SAE1: variants seen among roughly 807,000 people sequenced by gnomAD.
SAE1 encodes SUMO1 activating enzyme subunit 1, also known as SUMO-activating enzyme subunit 1.
SAE1 carries 11 observed loss-of-function variants against 40.6 expected under a neutral mutation model. That is an observed-to-expected ratio of 0.27 (90% CI 0.17 to 0.45). The LOEUF is 0.45. Among genes scored for constraint, SAE1 ranks in the 20% least tolerant of loss-of-function variants. The pLI is 1.00. For synonymous variants in SAE1, 155 were observed against 154.3 expected (o/e 1.00, Z -0.03); for missense variants, 373 against 427.3 (o/e 0.87, Z 1.12).
At chr19:47,190,173 TG>T (rs1197942358) in intron 6 of SAE1, among the ~76,000 whole-genome samples, 1 of 152,188 alleles carries the variant, frequency 6.6e-6, no homozygotes, top group Non-Finnish European at 1.5e-5. Flanking sequence ...AAGGTGCAGA[TG>T]AAGTTAATCA....
chr19:47,131,697 C>CTTTTT (rs554165710), intron 1 of SAE1, among the ~76,000 whole-genome samples: 20 of 84,142 alleles, frequency 2.4e-4, no homozygotes, highest in African/African-American at 4.7e-4. Context: ...TTAGGGAATT[C>CTTTTT]TTTTTTTTTT....
At chr19:47,150,694 T>C (rs1338807838) in intron 3 of SAE1, among the ~76,000 whole-genome samples, 2 of 152,250 alleles carry the variant, frequency 1.3e-5, no homozygotes, top group Non-Finnish European at 2.9e-5. Context: ...CACATAACTT[T>C]AATCCATGTT....
chr19:47,185,245 G>A (rs954802314), intron 6 of SAE1, among the ~76,000 whole-genome samples: 3 of 152,014 alleles, frequency 2.0e-5, no homozygotes. Context: ...TTTATATGTG[G>A]TACAGACTGA....
intron 6 of SAE1, among the ~76,000 whole-genome samples, chr19:47,181,699 G>A (rs1441165370): frequency 2.0e-5 from 3 of 149,790 alleles, no homozygotes; most frequent in Non-Finnish European, 3.0e-5. Flanking sequence ...GGCTGGTCTC[G>A]AACTCCTAGC....
chr19:47,156,050 T>G (rs1261080302), intron 5 of SAE1, among the ~76,000 whole-genome samples: 1 of 151,970 alleles, frequency 6.6e-6, no homozygotes, highest in Non-Finnish European at 1.5e-5. Flanking sequence ...GAAAACTTTT[T>G]TTTTTAAAGC....
intron 6 of SAE1, among the ~76,000 whole-genome samples, chr19:47,180,599 A>G (rs1487105971): frequency 6.6e-6 from 1 of 152,122 alleles, no homozygotes; most frequent in Non-Finnish European, 1.5e-5. Context: ...AGGCAAATTG[A>G]TCACTTGCAC....
intron 5 of SAE1, among the ~76,000 whole-genome samples, chr19:47,160,256 C>CT (rs1415938894): frequency 1.0e-4 from 13 of 127,888 alleles, no homozygotes; most frequent in Non-Finnish European, 1.3e-4. Flanking sequence ...GAGTCTCACT[C>CT]TATCACCCAA....
At chr19:47,196,088 C>T (rs1350349203) in intron 6 of SAE1, among the ~76,000 whole-genome samples, 1 of 150,390 alleles carries the variant, frequency 6.6e-6, no homozygotes, top group African/African-American at 2.4e-5. Context: ...CTCTGTTGCC[C>T]AGGCTGGAGT....
At chr19:47,162,350 T>C (rs2058363894) in intron 5 of SAE1, among the ~76,000 whole-genome samples, 1 of 152,212 alleles carries the variant, frequency 6.6e-6, no homozygotes, top group African/African-American at 2.4e-5. Flanking sequence ...TAATTTCTCT[T>C]GGGTATATAC....
At chr19:47,169,131 ATTTTTG>A (rs990812422) in intron 5 of SAE1, among the ~76,000 whole-genome samples, 34 of 152,226 alleles carry the variant, frequency 2.2e-4, no homozygotes, top group Admixed American at 9.2e-4. Context: ...GAAACATTTA[ATTTTTG>A]TTTTTGTTTA....
chr19:47,134,925 G>A (rs1753732410), intron 1 of SAE1, among the ~76,000 whole-genome samples: 1 of 152,140 alleles, frequency 6.6e-6, no homozygotes, highest in South Asian at 2.1e-4. Context: ...GGGGGTTGCA[G>A]GAGGGAGGGA....
At chr19:47,158,033 C>T (rs1329171823) in intron 5 of SAE1, among the ~76,000 whole-genome samples, 1 of 151,636 alleles carries the variant, frequency 6.6e-6, no homozygotes, top group Non-Finnish European at 1.5e-5. Context: ...TCAGATGCTG[C>T]CCTTTTGCCT....
At chr19:47,154,023 T>A (rs1173153575) in intron 4 of SAE1, among the ~76,000 whole-genome samples, 2 of 151,912 alleles carry the variant, frequency 1.3e-5, no homozygotes, top group African/African-American at 4.8e-5. Context: ...ACTCCGGACC[T>A]CAGGTGATCC....
At chr19:47,172,447 C>G (rs1356380631) in intron 6 of SAE1, among the ~76,000 whole-genome samples, 5 of 152,078 alleles carry the variant, frequency 3.3e-5, no homozygotes, top group Admixed American at 2.6e-4. Context: ...ATAGAAAGCC[C>G]TCAGGAAACA....
rs746630734 is a variant in SAE1 at position 47,150,197 on chromosome 19, C to T, written c.211-5C>T. 3.8e-6 allele frequency: 6 copies of T among 1,565,034 alleles called. No individual in the cohort carries two copies. The South Asian group carries it at 6.0e-5, about 16-fold the overall frequency. On this transcript the variant is annotated splice_region_variant and splice_polypyrimidine_tract_variant and intron_variant, in intron 2 of 8. Coordinates refer to ENST00000270225, the MANE Select transcript of SAE1 (RefSeq NM_005500.3). Reference sequence around the variant, plus strand: ...GACTTAAAAAAATATGTGTATTATTCCTAGGTAACTCCAGAAGATCCCGGA... The same window carrying T: ...GACTTAAAAAAATATGTGTATTATTTCTAGGTAACTCCAGAAGATCCCGGA...
chr19:47,186,525 T>G (rs1221212533), intron 6 of SAE1, among the ~76,000 whole-genome samples: 1 of 152,158 alleles, frequency 6.6e-6, no homozygotes, highest in Non-Finnish European at 1.5e-5. Context: ...CTGCTGTGGG[T>G]GAGGGTGCAG....
chr19:47,196,284 CTCGGCCTCCCAAA>C (rs1185215704), intron 6 of SAE1, among the ~76,000 whole-genome samples: 3 of 149,366 alleles, frequency 2.0e-5, no homozygotes, highest in Non-Finnish European at 3.0e-5. Context: ...ATCCTCCCAC[CTCGGCCTCCCAAA>C]GTGCTGGGAT....
At chr19:47,203,955 A>G (rs2058669886) in intron 8 of SAE1, among the ~76,000 whole-genome samples, 1 of 151,994 alleles carries the variant, frequency 6.6e-6, no homozygotes, top group South Asian at 2.1e-4. Context: ...TGCTTAGCTC[A>G]CAGTTGGCCA....
intron 6 of SAE1, among the ~76,000 whole-genome samples, chr19:47,181,184 T>C (rs2058503830): frequency 6.6e-6 from 1 of 151,838 alleles, no homozygotes; most frequent in African/African-American, 2.4e-5. Flanking sequence ...GGCGTGGTGG[T>C]GCATGCCTGT....
Sources: allele counts gnomAD v4.1 joint callset (sites outside exome capture counted in the v4.1 genomes callset), GRCh38; gene constraint gnomAD v4.1.1; transcripts MANE v1.5; gene names NCBI Gene and HGNC (gene_info 2026-07-23, HGNC 2026-07-21).